UBE3A: variants seen among roughly 807,000 people sequenced by gnomAD.
UBE3A encodes the protein ubiquitin-protein ligase E3A.
Under a neutral mutation model 83.4 loss-of-function variants are expected in UBE3A, and 6 were observed. That is an observed-to-expected ratio of 0.07 (90% confidence interval 0.04 to 0.14). The LOEUF (loss-of-function observed/expected upper bound fraction) is 0.14. UBE3A is among the 10% of genes least tolerant of loss of function. The pLI is 1.00. For synonymous variants in UBE3A, 337 were observed against 355.4 expected, an observed-to-expected ratio of 0.95 and a Z score of 0.58; for missense variants, 456 against 1,036.1, an observed-to-expected ratio of 0.44 and a Z score of 7.69.
chr15:25,341,759 CAAAAAAAAAAAAAAATTTCATCTCAAAAA>C (rs2074860153), intron 11 of UBE3A, among the ~76,000 whole-genome samples: 1 of 28,178 alleles, frequency 3.5e-5, no homozygotes, highest in East Asian at 1.2e-3. Context: ...TGAGCCATCT[CAAAAAAAAAAAAAAATTTCATCTCAAAAA>C]AAAAAAAAAA....
intron 4 of UBE3A, among the ~76,000 whole-genome samples, chr15:25,378,743 T>C (rs985825575): frequency 2.6e-5 from 4 of 152,262 alleles, no homozygotes; most frequent in African/African-American, 9.6e-5. Context: ...TGAGTAATAC[T>C]GAAGAATTCT....
At chr15:25,412,573 TA>T (rs555912063) in intron 1 of UBE3A, among the ~76,000 whole-genome samples, 9 of 151,452 alleles carry the variant, frequency 5.9e-5, no homozygotes, top group Non-Finnish European at 8.8e-5. Context: ...ACTTAACTCT[TA>T]AAAAAAAATC....
intron 1 of UBE3A, among the ~76,000 whole-genome samples, chr15:25,435,552 GGCCCTATAGA>G (rs925345040): frequency 2.0e-5 from 3 of 152,058 alleles, no homozygotes; most frequent in Non-Finnish European, 4.4e-5. Context: ...CTATAAAAGA[GGCCCTATAGA>G]GCCCCGTCTA....
chr15:25,352,533 C>A (rs1341050543), intron 11 of UBE3A, among the ~76,000 whole-genome samples: 9 of 152,160 alleles, frequency 5.9e-5, no homozygotes, highest in Admixed American at 5.9e-4. Flanking sequence ...AATTTAAAAT[C>A]ATTGCTAAAA....
chr15:25,347,586 G>T (rs1332345795), intron 11 of UBE3A, among the ~76,000 whole-genome samples: 1 of 152,140 alleles, frequency 6.6e-6, no homozygotes, highest in Non-Finnish European at 1.5e-5. Flanking sequence ...TGTAGTCCCA[G>T]CTACCCAGGA....
At chr15:25,394,925 G>T (rs912712093) in intron 4 of UBE3A, among the ~76,000 whole-genome samples, 2 of 152,122 alleles carry the variant, frequency 1.3e-5, no homozygotes, top group African/African-American at 2.4e-5. Context: ...AAACAACAAA[G>T]AAATCAATAT....
chr15:25,348,728 A>G (rs2076079717), intron 11 of UBE3A, among the ~76,000 whole-genome samples: 1 of 152,218 alleles, frequency 6.6e-6, no homozygotes, highest in African/African-American at 2.4e-5. Flanking sequence ...CATTAGAAAC[A>G]TATTTTAAGT....
At chr15:25,418,228 G>A (rs752894697) in intron 1 of UBE3A, 2 of 152,004 alleles carry the variant, frequency 1.3e-5, no homozygotes, top group Non-Finnish European at 2.9e-5. Flanking sequence ...TCAGCATGCG[G>A]CACATGACTG....
At chr15:25,378,915 G>A (rs767758483) in intron 4 of UBE3A, among the ~76,000 whole-genome samples, 5 of 152,098 alleles carry the variant, frequency 3.3e-5, no homozygotes, top group African/African-American at 4.8e-5. Flanking sequence ...TCTCTAATTT[G>A]TTGAGGACCT....
At chr15:25,398,816 A>ATATAC in intron 4 of UBE3A, among the ~76,000 whole-genome samples, 1 of 40,828 alleles carries the variant, frequency 2.4e-5, no homozygotes, top group Non-Finnish European at 5.3e-5. Context: ...TATATATATA[A>ATATAC]AAATACATAT....
intron 11 of UBE3A, among the ~76,000 whole-genome samples, chr15:25,341,783 C>G (rs374084083): frequency 1.2e-5 from 1 of 81,650 alleles, no homozygotes; most frequent in East Asian, 4.7e-4. Flanking sequence ...AATTTCATCT[C>G]AAAAAAAAAA....
At chr15:25,433,643 A>C (rs902959236) in intron 1 of UBE3A, among the ~76,000 whole-genome samples, 1 of 152,236 alleles carries the variant, frequency 6.6e-6, no homozygotes, top group African/African-American at 2.4e-5. Context: ...TAGTTAAAAC[A>C]ACCTCAAGAC....
Position 25,438,814 on chromosome 15 carries a change from G to C in UBE3A, c.-490C>G, listed in dbSNP as rs2153196130. ...GCCCGCAGCCGAGCGCGCCGGGTCG[G>C]CAGAGGTGAAGCGTAAGTAGGCGGC... On this transcript the variant is annotated 5_prime_UTR_variant, in exon 1 of 13. Coordinates refer to ENST00000648336, the MANE Select transcript of UBE3A (RefSeq NM_130839.5). 1 of 152,724 alleles carries C rather than the reference G, an allele frequency of 6.5e-6. No individual in the cohort carries two copies. The highest frequency in any genetic ancestry group is 2.1e-4 in the South Asian group (1 of 4,844). The allele number at this position is 152,724 out of a possible 1,614,324, so 9.5% of individuals were successfully genotyped here.
chr15:25,437,858 G>A (rs1444232818), intron 1 of UBE3A, among the ~76,000 whole-genome samples: 4 of 151,818 alleles, frequency 2.6e-5, no homozygotes, highest in Non-Finnish European at 4.4e-5. Context: ...AAAGGGGGGG[G>A]AAAAAAGGCC....
intron 1 of UBE3A, chr15:25,417,920 A>G (rs1032305562): frequency 2.6e-5 from 4 of 151,972 alleles, no homozygotes; most frequent in African/African-American, 9.7e-5. Flanking sequence ...TCAAAAAGAA[A>G]AAAAAAACAA....
Position 25,371,879 on chromosome 15 carries a change from A to G in UBE3A, c.362-67T>C. On this transcript the variant is annotated intron_variant, in intron 5 of 12. Transcript: ENST00000648336. This position sits in a 1 kb window ranked among gnomAD's most constrained non-coding sequence, Gnocchi z 5.3. ...TATGTATGTTTACTCTGTTGCAAAA[A>G]GTTCTAAAAGTAAAACAGCCAAACA... The G allele has an allele frequency of 2.0e-6, 3 of 1,479,964 alleles. No homozygotes were observed. Among genetic ancestry groups the G allele is most frequent in the Non-Finnish European group, 1.8e-6 (2 of 1,101,798 alleles). 91.7% of individuals were successfully genotyped at this position (1,479,964 alleles called of 1,614,324 possible).
intron 1 of UBE3A, among the ~76,000 whole-genome samples, chr15:25,437,410 G>A (rs1490676642): frequency 6.6e-6 from 1 of 152,078 alleles, no homozygotes; most frequent in African/African-American, 2.4e-5. Context: ...TCTCTGACAG[G>A]TAACTTTCAA....
chr15:25,335,854 A>C lies in UBE3A; in HGVS notation c.*3283T>G, dbSNP rs1252643915. ...AGAATTGGAGGAGTATCCATCTAAA[A>C]TCTGGGTAAACTGGGATGGAAAAAC... On this transcript the variant is annotated 3_prime_UTR_variant, in exon 13 of 13. Transcript: ENST00000648336. 1 of 152,190 alleles carries C rather than the reference A, an allele frequency of 6.6e-6. No individual in the cohort carries two copies. The highest frequency in any genetic ancestry group is 1.9e-4 in the East Asian group (1 of 5,176). 9.4% of individuals were successfully genotyped at this position (152,190 alleles called of 1,614,324 possible). A position where few individuals can be genotyped will look rare whatever the true frequency, so the allele number is the denominator to read the frequency against.
intron 1 of UBE3A, among the ~76,000 whole-genome samples, chr15:25,427,242 C>T (rs1267068699): frequency 1.3e-5 from 2 of 151,968 alleles, no homozygotes; most frequent in African/African-American, 2.4e-5. Context: ...GAGATAAACA[C>T]GACTCAGAAT....
Sources: gnomAD v4.1 joint callset for allele counts (sites outside exome capture counted in the v4.1 genomes callset) on GRCh38, gnomAD v4.1.1 for gene constraint, Gnocchi (gnomAD v3.1) non-coding constraint, MANE v1.5 for transcripts, NCBI Gene and HGNC (gene_info 2026-07-23, HGNC 2026-07-21) for gene names.